RBM11: variants seen among roughly 807,000 people sequenced by gnomAD.
RBM11 encodes splicing regulator RBM11.
A neutral mutation model predicts 21.4 loss-of-function variants in RBM11; 18 were observed. The ratio of observed to expected loss-of-function variants is 0.84; its 90% confidence interval spans 0.58 to 1.25. The LOEUF is 1.25. Ranked by LOEUF, RBM11 falls within the 50% of genes most tolerant of loss-of-function variation. RBM11 has a pLI of 0.00. For synonymous variants in RBM11, 120 were observed against 116.3 expected (o/e 1.03, Z -0.20); for missense variants, 294 against 331.9 (o/e 0.89, Z 0.89).
chr21:14,221,202 A>G, intron 3 of RBM11, 33 bp downstream of exon 3: 1 of 1,513,860 alleles, frequency 6.6e-7, no homozygotes, highest in Non-Finnish European at 8.8e-7. Context: ...TCAAAGGTAA[A>G]GCAAATATAT....
Position 14,227,793 on chromosome 21 carries a change from T to G in RBM11, c.*500T>G, listed in dbSNP as rs1195204393. On this transcript the variant is annotated 3_prime_UTR_variant, in exon 5 of 5. Transcript: ENST00000400577. The stretch of plus-strand genomic sequence containing the variant: ...GTACCCCTTTCTTTTAGTACCTAAA[T>G]ATGTTGTTTCTGAGCCATATTCTTC... The G allele has an allele frequency of 3.3e-5, 5 of 153,414 alleles. No individual in the cohort carries two copies. The highest frequency in any genetic ancestry group is 1.2e-4 in the African/African-American group (5 of 41,476). The allele number at this position is 153,414 out of a possible 1,614,324, so 9.5% of individuals were successfully genotyped here.
At chr21:14,221,749 T>G (rs1333145465) in intron 3 of RBM11, among the ~76,000 whole-genome samples, 2 of 152,286 alleles carry the variant, frequency 1.3e-5, no homozygotes, top group South Asian at 4.1e-4. Flanking sequence ...CCACACCAAA[T>G]GAAAATGTTC....
At chr21:14,216,411 T>C in intron 1 of RBM11, 129 bp downstream of exon 1, 1 of 719,758 alleles carries the variant, frequency 1.4e-6, no homozygotes, top group South Asian at 1.8e-5. Context: ...TTTCGTTTCC[T>C]CTTGGCGCAC....
intron 4 of RBM11, among the ~76,000 whole-genome samples, chr21:14,225,243 A>T (rs1442123027): frequency 6.6e-6 from 1 of 152,214 alleles, no homozygotes; most frequent in East Asian, 1.9e-4. Context: ...TTCTCCTTTT[A>T]ATTAAAGACA....
intron 3 of RBM11, among the ~76,000 whole-genome samples, chr21:14,222,912 A>T (rs961489826): frequency 4.6e-5 from 7 of 152,212 alleles, no homozygotes; most frequent in Admixed American, 4.6e-4. Flanking sequence ...AAGGGGGGGA[A>T]GCACTATCTA....
At chr21:14,226,858 G>A in intron 4 of RBM11, 22 bp from the exon 5 acceptor site, 2 of 1,582,012 alleles carry the variant, frequency 1.3e-6, no homozygotes, top group Non-Finnish European at 1.7e-6. Flanking sequence ...TGTTTTGGTA[G>A]ATGAATGTCT....
chr21:14,222,961 C>CT (rs1978798106), intron 3 of RBM11, among the ~76,000 whole-genome samples: 1 of 152,136 alleles, frequency 6.6e-6, no homozygotes, highest in African/African-American at 2.4e-5. Flanking sequence ...GTAAGAACTC[C>CT]TTTTTTCTAC....
intron 2 of RBM11, among the ~76,000 whole-genome samples, chr21:14,220,439 C>T (rs1339818102): frequency 1.3e-5 from 2 of 149,186 alleles, no homozygotes; most frequent in Non-Finnish European, 2.9e-5. Flanking sequence ...ATTGGTCTGT[C>T]ACTTGTCGGT....
rs1979194299 is a variant in RBM11 at position 14,227,352 on chromosome 21, G to A, written c.*59G>A. 2.0e-6 allele frequency: 3 copies of A among 1,466,110 alleles called. No individual in the cohort carries two copies. Among genetic ancestry groups the A allele is most frequent in the Non-Finnish European group, 2.7e-6 (3 of 1,091,768 alleles). 90.8% of individuals were successfully genotyped at this position (1,466,110 alleles called of 1,614,324 possible). ...CTTAGTTCTCTTATGAAAAAAATAA[G>A]ATGTTATCCCATCAAATAAACAATG... On this transcript the variant is annotated 3_prime_UTR_variant, in exon 5 of 5. Coordinates refer to ENST00000400577, the MANE Select transcript of RBM11 (RefSeq NM_144770.5).
At chr21:14,225,363 A>G (rs1489000300) in intron 4 of RBM11, among the ~76,000 whole-genome samples, 2 of 152,170 alleles carry the variant, frequency 1.3e-5, no homozygotes, top group Non-Finnish European at 2.9e-5. Context: ...TTATTTCCAG[A>G]GACTACCAAA....
intron 1 of RBM11, among the ~76,000 whole-genome samples, chr21:14,217,984 A>G (rs549477690): frequency 3.9e-5 from 6 of 152,292 alleles, no homozygotes; most frequent in Non-Finnish European, 8.8e-5. Context: ...ATTTTATTTA[A>G]TAGATCAGGT....
At chr21:14,218,347 T>A (rs1427154138) in intron 1 of RBM11, among the ~76,000 whole-genome samples, 1 of 152,186 alleles carries the variant, frequency 6.6e-6, no homozygotes, top group Non-Finnish European at 1.5e-5. Flanking sequence ...TCTTTCAAAT[T>A]TCTGATTATA....
intron 4 of RBM11, among the ~76,000 whole-genome samples, chr21:14,225,244 A>G (rs558811749): frequency 8.5e-5 from 13 of 152,348 alleles, no homozygotes; most frequent in Admixed American, 2.0e-4. Context: ...TCTCCTTTTA[A>G]TTAAAGACAA....
chr21:14,224,389 G>T lies in RBM11; in HGVS notation c.333-49G>T. 2.0e-6 allele frequency: 3 copies of T among 1,517,664 alleles called. No individual in the cohort carries two copies. In the South Asian group the frequency reaches 3.9e-5, roughly 20 times the overall value. 94.0% of individuals were successfully genotyped at this position (1,517,664 alleles called of 1,614,324 possible). A position where few individuals can be genotyped will look rare whatever the true frequency, so the allele number is the denominator to read the frequency against. On this transcript the variant is annotated intron_variant, in intron 3 of 4. Coordinates refer to ENST00000400577, the MANE Select transcript of RBM11 (RefSeq NM_144770.5). ...TTTTTCTTAAGAGAAAATGACATTT[G>T]TAATAGGAATTTTAAGATTTTATTA...
intron 3 of RBM11, among the ~76,000 whole-genome samples, chr21:14,222,050 C>G (rs423169): frequency 0.23 from 34,830 of 151,896 alleles, 4,213 homozygotes; most frequent in African/African-American, 0.32. Flanking sequence ...CAAAAACAAT[C>G]CGTTCTTGCA....
intron 3 of RBM11, among the ~76,000 whole-genome samples, chr21:14,223,810 G>A (rs989109473): frequency 6.6e-6 from 1 of 152,122 alleles, no homozygotes; most frequent in Admixed American, 6.5e-5. Context: ...GGTTATTGAG[G>A]AAGTGGGTTT....
chr21:14,217,959 C>T (rs781595071), intron 1 of RBM11, among the ~76,000 whole-genome samples: 27 of 152,078 alleles, frequency 1.8e-4, no homozygotes, highest in Non-Finnish European at 2.5e-4. Flanking sequence ...CTTCTTCCAC[C>T]TAAGCAAAAT....
At chr21:14,216,762 G>T (rs966694043) in intron 1 of RBM11, among the ~76,000 whole-genome samples, 9 of 152,138 alleles carry the variant, frequency 5.9e-5, no homozygotes, top group African/African-American at 2.2e-4. Context: ...TGATTTGGCA[G>T]CCAACTTACC....
intron 1 of RBM11, among the ~76,000 whole-genome samples, chr21:14,217,186 C>A (rs1820563246): frequency 6.6e-6 from 1 of 152,094 alleles, no homozygotes; most frequent in South Asian, 2.1e-4. Context: ...GCTTCAGTTT[C>A]CTTATATGTC....
Sources: gnomAD v4.1 joint callset for allele counts (sites outside exome capture counted in the v4.1 genomes callset) on GRCh38, gnomAD v4.1.1 for gene constraint, MANE v1.5 for transcripts, NCBI Gene and HGNC (gene_info 2026-07-23, HGNC 2026-07-21) for gene names.